Variants in KLHL32 observed in about 807,000 individuals in gnomAD.
KLHL32 encodes the protein kelch-like protein 32.
KLHL32 carries 35 observed loss-of-function variants against 64.8 expected under a neutral mutation model. That is an observed-to-expected ratio of 0.54 (90% CI 0.41 to 0.72). The LOEUF is 0.72. Ranked by LOEUF, KLHL32 falls within the 30% of genes least tolerant of loss-of-function variation. KLHL32 has a pLI of 0.00. For synonymous variants in KLHL32, 259 were observed against 281.0 expected (o/e 0.92, Z 0.78); for missense variants, 589 against 768.5 (o/e 0.77, Z 2.76).
At chr6:97,108,354 A>G (rs1796682725) in intron 6 of KLHL32, among the ~76,000 whole-genome samples, 1 of 152,196 alleles carries the variant, frequency 6.6e-6, no homozygotes, top group Non-Finnish European at 1.5e-5. Context: ...AGTTCCAAGA[A>G]TAATTTTTTT....
chr6:97,107,169 T>G (rs1005620420), intron 6 of KLHL32, among the ~76,000 whole-genome samples: 9 of 152,064 alleles, frequency 5.9e-5, no homozygotes, highest in African/African-American at 2.2e-4. Flanking sequence ...GGCAGGTGCC[T>G]GTAGTCCCAG....
intron 6 of KLHL32, among the ~76,000 whole-genome samples, chr6:97,088,134 A>G (rs1793699599): frequency 6.6e-6 from 1 of 152,164 alleles, no homozygotes; most frequent in Non-Finnish European, 1.5e-5. Flanking sequence ...CTATATTTAG[A>G]GGTAACATAG....
At chr6:96,981,933 G>GT (rs530590258) in intron 3 of KLHL32, among the ~76,000 whole-genome samples, 112 of 151,896 alleles carry the variant, frequency 7.4e-4, no homozygotes, top group Non-Finnish European at 1.1e-3. Flanking sequence ...TATAATGTCA[G>GT]TTTTTTTTAA....
chr6:97,064,303 C>A (rs1789372353), intron 4 of KLHL32, among the ~76,000 whole-genome samples: 2 of 152,142 alleles, frequency 1.3e-5, no homozygotes, highest in African/African-American at 2.4e-5. Context: ...GATTATATCA[C>A]AAACTGAATT....
intron 5 of KLHL32, among the ~76,000 whole-genome samples, chr6:97,076,520 T>C (rs1310067750): frequency 6.6e-6 from 1 of 152,208 alleles, no homozygotes; most frequent in Non-Finnish European, 1.5e-5. Context: ...ATGGGTCAGC[T>C]CCAAATCATG....
intron 3 of KLHL32, among the ~76,000 whole-genome samples, chr6:96,980,491 T>C (rs1382889761): frequency 6.6e-6 from 1 of 151,994 alleles, no homozygotes; most frequent in Non-Finnish European, 1.5e-5. Flanking sequence ...TGAACCAACC[T>C]TATATTTCAA....
chr6:97,010,964 C>T (rs1416273153), intron 3 of KLHL32, among the ~76,000 whole-genome samples: 1 of 152,172 alleles, frequency 6.6e-6, no homozygotes, highest in Non-Finnish European at 1.5e-5. Flanking sequence ...TGTGTGGAAG[C>T]ATTTTCTGAT....
At chr6:97,010,555 T>G (rs1280476620) in intron 3 of KLHL32, among the ~76,000 whole-genome samples, 2 of 152,254 alleles carry the variant, frequency 1.3e-5, no homozygotes, top group East Asian at 3.8e-4. Context: ...ATTTTAGATA[T>G]TGAAGAATTT....
Position 97,039,547 on chromosome 6 carries a change from C to A in KLHL32, c.205-1945C>A, listed in dbSNP as rs901342146. On this transcript the variant is annotated intron_variant, in intron 3 of 10. Coordinates refer to ENST00000369261, the MANE Select transcript of KLHL32 (RefSeq NM_052904.4). ...TGAAAATAGCTAGAAGACAGCCGGG[C>A]GCAGTGGTTCACGCCTGTAATCCCA... 8.5e-5 allele frequency among the ~76,000 whole-genome samples: 9 copies of A among 105,290 alleles called. 1 individual carries two copies. The highest frequency in any genetic ancestry group is 7.5e-4 in the Admixed American group (9 of 12,002). 69.1% of individuals were successfully genotyped at this position (105,290 alleles called of 152,430 possible). A position where few individuals can be genotyped will look rare whatever the true frequency, so the allele number is the denominator to read the frequency against.
At chr6:96,912,476 T>G in the KLHL32 span, among the ~76,000 whole-genome samples, 1 of 152,184 alleles carries the variant, frequency 6.6e-6, no homozygotes, top group African/African-American at 2.4e-5. Flanking sequence ...CTCCCTTTAC[T>G]GGAATACTCT....
At chr6:96,995,929 A>G (rs1430775189) in intron 3 of KLHL32, among the ~76,000 whole-genome samples, 1 of 152,216 alleles carries the variant, frequency 6.6e-6, no homozygotes, top group Non-Finnish European at 1.5e-5. Flanking sequence ...GACCAACTAA[A>G]CACTAGTGAA....
intron 3 of KLHL32, among the ~76,000 whole-genome samples, chr6:96,987,368 C>T (rs1777239609): frequency 1.3e-5 from 2 of 152,124 alleles, no homozygotes; most frequent in Admixed American, 1.3e-4. Context: ...TTTCCCTCTA[C>T]ACACTGCTTT....
chr6:97,116,804 A>G (rs1248120422), intron 7 of KLHL32, among the ~76,000 whole-genome samples: 1 of 152,184 alleles, frequency 6.6e-6, no homozygotes, highest in Non-Finnish European at 1.5e-5. Flanking sequence ...TATTAAATCT[A>G]TCAACCTATT....
chr6:97,082,202 G>T (rs528433078), intron 5 of KLHL32, among the ~76,000 whole-genome samples: 31 of 152,302 alleles, frequency 2.0e-4, no homozygotes, highest in Middle Eastern at 3.4e-3. Context: ...CAGGACTGGC[G>T]ATTGACTAGA....
chr6:96,903,437 A>G, the KLHL32 span, among the ~76,000 whole-genome samples: 1 of 152,216 alleles, frequency 6.6e-6, no homozygotes, highest in African/African-American at 2.4e-5. Context: ...TTTACATTAT[A>G]TAAGACCACC....
chr6:97,034,702 G>A (rs1481623500), intron 3 of KLHL32, among the ~76,000 whole-genome samples: 1 of 151,974 alleles, frequency 6.6e-6, no homozygotes, highest in South Asian at 2.1e-4. Context: ...ATAATTTTCA[G>A]TTAACAAGTC....
chr6:96,942,690 T>TGTGTGA (rs564012829), intron 1 of KLHL32, among the ~76,000 whole-genome samples: 85 of 146,204 alleles, frequency 5.8e-4, no homozygotes, highest in African/African-American at 1.6e-3. Context: ...TGTGTGTGTG[T>TGTGTGA]GATTCAGAAT....
rs949463799 is a variant in KLHL32 at position 97,105,635 on chromosome 6, A to T, written c.628-8148A>T. 3 of 382,718 alleles carry T rather than the reference A, an allele frequency of 7.8e-6. No homozygotes were observed. In the East Asian group the frequency reaches 2.2e-4, roughly 29 times the overall value. 23.7% of individuals were successfully genotyped at this position (382,718 alleles called of 1,614,324 possible). A position where few individuals can be genotyped will look rare whatever the true frequency, so the allele number is the denominator to read the frequency against. On this transcript the variant is annotated intron_variant, in intron 6 of 10. Transcript: ENST00000369261. ...AGATTTTACATAGGAACATAATAATAGCTGCCCCTGGCCAAGGAGCAGAAT... is the reference window on the plus strand; with the variant it reads ...AGATTTTACATAGGAACATAATAATTGCTGCCCCTGGCCAAGGAGCAGAAT...
rs527540403 is a variant in KLHL32 at position 97,009,338 on chromosome 6, T to C, written c.205-32154T>C. ...ATATTTTAAATTTAAATGTTTCTTT[T>C]ATTTTGAAATAATTTTTCGCAAGGC... On this transcript the variant is annotated intron_variant, in intron 3 of 10. Transcript: ENST00000369261. Among the ~76,000 whole-genome samples, 19 of 152,310 alleles carry C rather than the reference T, an allele frequency of 1.2e-4. No individual in the cohort carries two copies. In the South Asian group the frequency reaches 1.9e-3, roughly 15 times the overall value.
Sources: allele counts gnomAD v4.1 joint callset (sites outside exome capture counted in the v4.1 genomes callset), GRCh38; gene constraint gnomAD v4.1.1; transcripts MANE v1.5; gene names NCBI Gene and HGNC (gene_info 2026-07-23, HGNC 2026-07-21).